DIP2C: variants seen among roughly 807,000 people sequenced by gnomAD.
The protein encoded by DIP2C is disco-interacting protein 2 homolog C.
Under a neutral mutation model 192.4 loss-of-function variants are expected in DIP2C, and 33 were observed. The observed-to-expected ratio is 0.17, with a 90% CI of 0.13 to 0.23. DIP2C has a LOEUF of 0.23. DIP2C is among the 10% of genes least tolerant of loss of function. DIP2C has a pLI of 1.00. For missense variants in DIP2C, 1,537 were observed against 2,110.1 expected, an observed-to-expected ratio of 0.73 and a Z score of 5.32; for synonymous variants, 979 against 864.1, an observed-to-expected ratio of 1.13 and a Z score of -2.33.
intron 1 of DIP2C, among the ~76,000 whole-genome samples, chr10:672,614 G>A (rs928805689): frequency 5.3e-5 from 8 of 152,246 alleles, no homozygotes; most frequent in African/African-American, 1.9e-4. Context: ...ACTAAAGATT[G>A]GCTGGCGACC....
intron 1 of DIP2C, chr10:665,929 CAAA>C (rs1234641301): frequency 6.6e-6 from 1 of 152,146 alleles, no homozygotes; most frequent in African/African-American, 2.4e-5. Context: ...GGAAATCACT[CAAA>C]GAAGCGCTTT....
Position 569,081 on chromosome 10 carries a change from C to A in DIP2C, c.86-82551G>T, listed in dbSNP as rs76285790. 2.3e-3 allele frequency among the ~76,000 whole-genome samples: 343 copies of A among 152,198 alleles called. 2 individuals are homozygous for A. The highest frequency in any genetic ancestry group is 7.7e-3 in the African/African-American group (318 of 41,512). Reference sequence around the variant, plus strand: ...GGGAGATCAGCTTTCAGGTAAGGTGCGGTCAAGGGTCTGCAAACCACAATC... The same window carrying A: ...GGGAGATCAGCTTTCAGGTAAGGTGAGGTCAAGGGTCTGCAAACCACAATC... On this transcript the variant is annotated intron_variant, in intron 1 of 36. Coordinates refer to ENST00000280886, the MANE Select transcript of DIP2C (RefSeq NM_014974.3).
intron 1 of DIP2C, among the ~76,000 whole-genome samples, chr10:541,587 C>G (rs1335591503): frequency 6.6e-6 from 1 of 150,706 alleles, no homozygotes; most frequent in Non-Finnish European, 1.5e-5. Flanking sequence ...CTCCTGGATC[C>G]CACAGCGTGA....
At chr10:674,828 A>AGAGG (rs1554772178) in intron 1 of DIP2C, among the ~76,000 whole-genome samples, 4 of 147,618 alleles carry the variant, frequency 2.7e-5, no homozygotes, top group Non-Finnish European at 6.0e-5. Context: ...AGAGAGAGAG[A>AGAGG]GACCAACACA....
At chr10:682,207 G>A (rs1430266951) in intron 1 of DIP2C, among the ~76,000 whole-genome samples, 1 of 152,210 alleles carries the variant, frequency 6.6e-6, no homozygotes, top group Non-Finnish European at 1.5e-5. Flanking sequence ...ACGCACTCAG[G>A]ACCCTGCGCT....
intron 1 of DIP2C, among the ~76,000 whole-genome samples, chr10:495,224 A>G (rs1210511754): frequency 6.6e-6 from 1 of 152,196 alleles, no homozygotes; most frequent in Non-Finnish European, 1.5e-5. Flanking sequence ...GGACTGGGGA[A>G]GGGGAAACAG....
intron 1 of DIP2C, among the ~76,000 whole-genome samples, chr10:571,320 C>T (rs551805085): frequency 2.6e-5 from 4 of 152,302 alleles, no homozygotes; most frequent in East Asian, 1.9e-4. Context: ...CAGCTCCCCC[C>T]GGCCATCACA....
intron 2 of DIP2C, among the ~76,000 whole-genome samples, chr10:480,177 G>GC (rs999627092): frequency 1.3e-5 from 2 of 150,532 alleles, no homozygotes; most frequent in Non-Finnish European, 3.0e-5. Flanking sequence ...GCCAGCCTGA[G>GC]CCCCGGTCCA....
chr10:480,598 G>C (rs191340935), intron 2 of DIP2C, among the ~76,000 whole-genome samples: 1 of 152,240 alleles, frequency 6.6e-6, no homozygotes, highest in Non-Finnish European at 1.5e-5. Flanking sequence ...CAAAACCCAC[G>C]TGAGCAGTTC....
At chr10:613,174 G>A (rs896296268) in intron 1 of DIP2C, among the ~76,000 whole-genome samples, 4 of 152,194 alleles carry the variant, frequency 2.6e-5, no homozygotes, top group African/African-American at 9.7e-5. Flanking sequence ...CATAACATGT[G>A]AATTTTTAAA....
At chr10:685,937 G>A (rs923028581) in intron 1 of DIP2C, among the ~76,000 whole-genome samples, 3 of 83,070 alleles carry the variant, frequency 3.6e-5, no homozygotes, top group African/African-American at 1.1e-4. Flanking sequence ...CTCCAGCATG[G>A]GAGACAGAGT....
intron 5 of DIP2C, 89 bp downstream of exon 5, chr10:422,735 G>T: frequency 6.9e-7 from 1 of 1,457,010 alleles, no homozygotes; most frequent in Non-Finnish European, 9.3e-7. Context: ...TCCACCGAGG[G>T]ATTCCGCTGC....
chr10:545,167 T>C (rs7094765), intron 1 of DIP2C, among the ~76,000 whole-genome samples: 84 of 30,426 alleles, frequency 2.8e-3, no homozygotes, highest in African/African-American at 0.012. Context: ...GTGTTTTCCC[T>C]TTTTTTTTTT....
intron 3 of DIP2C, among the ~76,000 whole-genome samples, chr10:467,901 A>G (rs1438984648): frequency 6.6e-6 from 1 of 152,192 alleles, no homozygotes; most frequent in African/African-American, 2.4e-5. Flanking sequence ...ATGTATACGT[A>G]TGTAACAAAC....
Position 477,879 on chromosome 10 carries a change from C to T in DIP2C, c.158-5330G>A, listed in dbSNP as rs184219513. 1.3e-3 allele frequency among the ~76,000 whole-genome samples: 115 copies of T among 89,522 alleles called. 1 individual carries two copies. The Middle Eastern group carries it at 0.042, about 32-fold the overall frequency. 58.7% of individuals were successfully genotyped at this position (89,522 alleles called of 152,430 possible). On this transcript the variant is annotated intron_variant, in intron 2 of 36. Transcript: ENST00000280886. Reference sequence around the variant, plus strand: ...AGTGAAGGAAGCAGAGAGAAGAAAACGAGAGAGAAGAAAAGGAAAAGAGAG... The same window carrying T: ...AGTGAAGGAAGCAGAGAGAAGAAAATGAGAGAGAAGAAAAGGAAAAGAGAG...
chr10:566,245 C>G (rs1357072639), intron 1 of DIP2C, among the ~76,000 whole-genome samples: 1 of 151,890 alleles, frequency 6.6e-6, no homozygotes, highest in Non-Finnish European at 1.5e-5. Flanking sequence ...ATTTTTTGCC[C>G]CTTTTTAAAC....
chr10:515,140 A>G (rs569595703), intron 1 of DIP2C, among the ~76,000 whole-genome samples: 24 of 152,344 alleles, frequency 1.6e-4, no homozygotes, highest in African/African-American at 5.8e-4. Flanking sequence ...CAGGGAAAAA[A>G]ATGTCATCCA....
intron 28 of DIP2C, among the ~76,000 whole-genome samples, chr10:343,824 G>T (rs993659106): frequency 4.6e-5 from 7 of 152,208 alleles, no homozygotes; most frequent in Non-Finnish European, 1.0e-4. Flanking sequence ...CCGAGAGCTT[G>T]TGATCAGACA....
chr10:655,848 TATA>T lies in DIP2C; in HGVS notation c.85+33643_85+33645del, dbSNP rs532391127. Among the ~76,000 whole-genome samples the T allele has an allele frequency of 1.6e-3, 236 of 151,906 alleles. 1 individual carries two copies. The highest frequency in any genetic ancestry group is 3.4e-3 in the Middle Eastern group (1 of 294). ...ATTTGTCCCATTGTATACTATACTA[TATA>T]ATGTTACAGTTTCTTCTATTCTATG... On this transcript the variant is annotated intron_variant, in intron 1 of 36. Transcript: ENST00000280886.
Sources: gnomAD v4.1 joint callset for allele counts (sites outside exome capture counted in the v4.1 genomes callset) on GRCh38, gnomAD v4.1.1 for gene constraint, MANE v1.5 for transcripts, NCBI Gene and HGNC (gene_info 2026-07-23, HGNC 2026-07-21) for gene names.